Variants in C17orf67 observed in about 807,000 individuals in gnomAD.
C17orf67 encodes the protein uncharacterized protein C17orf67.
In C17orf67, 12 loss-of-function variants were observed where a neutral mutation model predicts 11.2. That is an observed-to-expected ratio of 1.07 (90% CI 0.68 to 1.73). The LOEUF is 1.73. Among genes scored for constraint, C17orf67 ranks in the 40% most tolerant of loss-of-function variants. The pLI is 0.00. For missense variants in C17orf67, 115 were observed against 113.5 expected, an observed-to-expected ratio of 1.01 and a Z score of -0.06; for synonymous variants, 59 against 46.9, an observed-to-expected ratio of 1.26 and a Z score of -1.05.
chr17:56,822,869 T>C (rs545219108), intron 4 of C17orf67, among the ~76,000 whole-genome samples: 2 of 152,340 alleles, frequency 1.3e-5, no homozygotes, highest in South Asian at 2.1e-4. Context: ...AATGGTAAGA[T>C]GTTTTGGCCT....
intron 4 of C17orf67, among the ~76,000 whole-genome samples, chr17:56,820,883 T>C (rs139826800): frequency 4.0e-5 from 6 of 150,360 alleles, no homozygotes; most frequent in Non-Finnish European, 8.8e-5. Flanking sequence ...CACTGAACTA[T>C]AGAAACTTTA....
chr17:56,826,541 A>C (rs1906037427), intron 2 of C17orf67, among the ~76,000 whole-genome samples: 1 of 152,222 alleles, frequency 6.6e-6, no homozygotes, highest in South Asian at 2.1e-4. Flanking sequence ...TTCACAATAC[A>C]GACTGTTAAA....
chr17:56,829,448 A>G (rs12600529), intron 2 of C17orf67, among the ~76,000 whole-genome samples: 128,430 of 152,108 alleles, frequency 0.84, 54,451 homozygotes, highest in East Asian at 0.93. Context: ...GAGTCACCCC[A>G]TCACAAGGAG....
At chr17:56,795,002 C>T in intron 7 of C17orf67, 42 bp downstream of exon 7, 1 of 1,412,034 alleles carries the variant, frequency 7.1e-7, no homozygotes, top group Non-Finnish European at 1.0e-6. Flanking sequence ...TGTCCCCCAC[C>T]ACTCCCTCAG....
chr17:56,804,322 G>A (rs1038740450), intron 6 of C17orf67: 2 of 152,078 alleles, frequency 1.3e-5, no homozygotes, highest in African/African-American at 4.8e-5. Flanking sequence ...TTTCCAAGAA[G>A]GCAAAATACT....
chr17:56,800,684 G>C (rs1301275965), intron 6 of C17orf67, among the ~76,000 whole-genome samples: 2 of 152,150 alleles, frequency 1.3e-5, no homozygotes, highest in Non-Finnish European at 2.9e-5. Flanking sequence ...CCTCAGCTTA[G>C]ATGTTACTTC....
chr17:56,797,691 C>T (rs1905238655), intron 6 of C17orf67, among the ~76,000 whole-genome samples: 1 of 152,166 alleles, frequency 6.6e-6, no homozygotes, highest in Non-Finnish European at 1.5e-5. Context: ...AGCCTCTGAA[C>T]ACACCCATCC....
chr17:56,798,289 G>T (rs77730181), intron 6 of C17orf67, among the ~76,000 whole-genome samples: 5,634 of 151,712 alleles, frequency 0.037, 327 homozygotes, highest in African/African-American at 0.13. Flanking sequence ...TTCTTGTGGG[G>T]TTTTTTTTAT....
At chr17:56,831,837 G>A (rs935426943) in intron 2 of C17orf67, among the ~76,000 whole-genome samples, 2 of 152,140 alleles carry the variant, frequency 1.3e-5, no homozygotes, top group Non-Finnish European at 2.9e-5. Context: ...GCTTCCCTGA[G>A]CCCCCTTTTC....
At chr17:56,804,522 A>G (rs1033650206) in intron 6 of C17orf67, among the ~76,000 whole-genome samples, 2 of 152,192 alleles carry the variant, frequency 1.3e-5, no homozygotes, top group Admixed American at 6.5e-5. Flanking sequence ...GTCACTCCAA[A>G]CTGGCCTTTG....
At chr17:56,825,926 G>A (rs2144149544) in intron 2 of C17orf67, among the ~76,000 whole-genome samples, 1 of 148,290 alleles carries the variant, frequency 6.7e-6, no homozygotes. Context: ...CTATAATGGG[G>A]ATTGGGGGAA....
Position 56,795,208 on chromosome 17 carries a change from G to A in C17orf67, c.157-28C>T, listed in dbSNP as rs367717830. The A allele has an allele frequency of 1.2e-5, 20 of 1,601,764 alleles. 1 individual carries two copies. The South Asian group carries it at 2.2e-4, about 18-fold the overall frequency. On this transcript the variant is annotated intron_variant, in intron 6 of 7. Transcript: ENST00000397861. ...GTCAAAACAAACCACACTGAAGAAGGCTTCACCCACAGTGACAGCCAAGGG... is the reference window on the plus strand; with the variant it reads ...GTCAAAACAAACCACACTGAAGAAGACTTCACCCACAGTGACAGCCAAGGG...
intron 4 of C17orf67, among the ~76,000 whole-genome samples, chr17:56,821,119 T>C (rs1282112183): frequency 1.3e-5 from 2 of 152,066 alleles, no homozygotes; most frequent in African/African-American, 4.8e-5. Flanking sequence ...AACAGGGTCT[T>C]GCTATGTTGT....
At chr17:56,820,354 G>A (rs1224618058) in intron 4 of C17orf67, among the ~76,000 whole-genome samples, 2 of 152,110 alleles carry the variant, frequency 1.3e-5, no homozygotes, top group African/African-American at 2.4e-5. Context: ...CGTGGTGGCT[G>A]GAGCGTGTCC....
At chr17:56,817,496 G>A (rs1452638034) in intron 4 of C17orf67, among the ~76,000 whole-genome samples, 1 of 151,694 alleles carries the variant, frequency 6.6e-6, no homozygotes, top group Non-Finnish European at 1.5e-5. Flanking sequence ...TCATTCTGTT[G>A]CCCAGGCAGA....
intron 2 of C17orf67, among the ~76,000 whole-genome samples, chr17:56,828,254 A>T (rs928887860): frequency 3.3e-5 from 5 of 152,048 alleles, no homozygotes; most frequent in African/African-American, 1.2e-4. Context: ...AAAAATACAA[A>T]ATTAGCTGGA....
At chr17:56,809,674 G>C (rs1905547603) in intron 6 of C17orf67, among the ~76,000 whole-genome samples, 1 of 110,228 alleles carries the variant, frequency 9.1e-6, no homozygotes. Flanking sequence ...CTCACACACA[G>C]ACCCTCACAC....
intron 4 of C17orf67, among the ~76,000 whole-genome samples, chr17:56,821,884 G>A (rs1407468603): frequency 6.6e-6 from 1 of 152,222 alleles, no homozygotes; most frequent in Admixed American, 6.5e-5. Context: ...ACAAGGGTGT[G>A]AAATGGTTTG....
At chr17:56,816,935 T>C (rs1905775007) in intron 4 of C17orf67, among the ~76,000 whole-genome samples, 1 of 152,160 alleles carries the variant, frequency 6.6e-6, no homozygotes. Flanking sequence ...CTGCAGCCTC[T>C]AACTCCCAGA....
Sources: allele counts gnomAD v4.1 joint callset (sites outside exome capture counted in the v4.1 genomes callset), GRCh38; gene constraint gnomAD v4.1.1; transcripts MANE v1.5; gene names NCBI Gene and HGNC (gene_info 2026-07-23, HGNC 2026-07-21).